Variants in HTR7 observed in about 807,000 individuals in gnomAD.
The protein encoded by HTR7 is 5-hydroxytryptamine receptor 7, also known as 5-HT-7.
A neutral mutation model predicts 34.0 loss-of-function variants in HTR7; 16 were observed. The ratio of observed to expected loss-of-function variants is 0.47; its 90% CI spans 0.32 to 0.71. The LOEUF is 0.71. Among genes scored for constraint, HTR7 ranks in the 30% least tolerant of loss-of-function variants. The pLI is 0.04. For missense variants in HTR7, 504 were observed against 625.5 expected (o/e 0.81, Z 2.07); for synonymous variants, 265 against 260.2 (o/e 1.02, Z -0.18).
intron 1 of HTR7, among the ~76,000 whole-genome samples, chr10:90,812,199 C>G: frequency 6.6e-6 from 1 of 150,434 alleles, no homozygotes; most frequent in South Asian, 2.1e-4. Flanking sequence ...CAGTCTCATT[C>G]CAGACACCAG....
intron 1 of HTR7, among the ~76,000 whole-genome samples, chr10:90,770,967 C>T (rs1845100234): frequency 6.6e-6 from 1 of 152,220 alleles, no homozygotes; most frequent in African/African-American, 2.4e-5. Context: ...AATGGGCACA[C>T]ACTTCCTCCC....
At chr10:90,755,076 T>C (rs955376498) in intron 1 of HTR7, among the ~76,000 whole-genome samples, 1 of 152,234 alleles carries the variant, frequency 6.6e-6, no homozygotes, top group Non-Finnish European at 1.5e-5. Flanking sequence ...TAGGATTGAC[T>C]GTTCTGGGTC....
chr10:90,776,354 C>A (rs1391806994), intron 1 of HTR7, among the ~76,000 whole-genome samples: 1 of 152,210 alleles, frequency 6.6e-6, no homozygotes, highest in Non-Finnish European at 1.5e-5. Context: ...TCTAACTTTT[C>A]ATTTTCAAAT....
intron 2 of HTR7, among the ~76,000 whole-genome samples, chr10:90,745,757 G>A (rs1287805337): frequency 1.3e-5 from 2 of 152,160 alleles, no homozygotes; most frequent in East Asian, 3.9e-4. Context: ...GCCCCTTTTT[G>A]TAAATAAAGT....
intron 1 of HTR7, among the ~76,000 whole-genome samples, chr10:90,856,136 G>C (rs1282609869): frequency 6.6e-6 from 1 of 152,180 alleles, no homozygotes; most frequent in Non-Finnish European, 1.5e-5. Context: ...GATCCACTAA[G>C]AAAATAAGCA....
rs182232618 is a variant in HTR7 at position 90,838,179 on chromosome 10, T to A, written c.539+18954A>T. On this transcript the variant is annotated intron_variant, in intron 1 of 3. Transcript: ENST00000336152. ...AGACTCATATTCAAATGTCTATTGA[T>A]ATAAAATTTATCAATCAAAATAGAA... Among the ~76,000 whole-genome samples the A allele has an allele frequency of 3.3e-5, 5 of 152,312 alleles. No homozygotes were observed. In the East Asian group the frequency reaches 9.6e-4, roughly 29 times the overall value.
In HTR7 at chr10:90,769,520, G is replaced by A. The variant is rs191454872; in HGVS notation, c.540-19926C>T. Among the ~76,000 whole-genome samples, 430 of 152,140 alleles carry A rather than the reference G, an allele frequency of 2.8e-3. 2 individuals carry two copies. The highest frequency in any genetic ancestry group is 0.014 in the Middle Eastern group (4 of 294). On this transcript the variant is annotated intron_variant, in intron 1 of 3. Transcript: ENST00000336152. ...TCTGAATTAAATTGCTTATCTGATC[G>A]AGGCCTATCACAAATGTTCATATAT... is the stretch of plus-strand genomic sequence containing the variant.
chr10:90,746,105 G>A (rs1240100362), intron 2 of HTR7, among the ~76,000 whole-genome samples: 5 of 152,082 alleles, frequency 3.3e-5, no homozygotes, highest in Admixed American at 6.5e-5. Flanking sequence ...TGACTGTGGG[G>A]GAAATCATTT....
At chr10:90,748,771 G>C (rs1302959895) in intron 2 of HTR7, 68 bp downstream of exon 2, 27 of 1,487,998 alleles carry the variant, frequency 1.8e-5, no homozygotes, top group Non-Finnish European at 2.3e-5. Context: ...AGCTTTCTGT[G>C]ATGTGCCTCA....
At chr10:90,847,230 A>ATT (rs1846425056) in intron 1 of HTR7, among the ~76,000 whole-genome samples, 1 of 152,092 alleles carries the variant, frequency 6.6e-6, no homozygotes, top group African/African-American at 2.4e-5. Context: ...AATGTTGTAG[A>ATT]GGGGATCAGT....
intron 1 of HTR7, among the ~76,000 whole-genome samples, chr10:90,808,145 C>T (rs868758848): frequency 3.3e-5 from 5 of 152,196 alleles, no homozygotes; most frequent in Admixed American, 6.5e-5. Context: ...TGTCAGATCA[C>T]GCAGGGACGC....
chr10:90,748,501 C>A (rs1279582939), intron 2 of HTR7, among the ~76,000 whole-genome samples: 5 of 152,138 alleles, frequency 3.3e-5, no homozygotes, highest in Non-Finnish European at 7.4e-5. Context: ...ATAATAACAA[C>A]TAAAATAATA....
At chr10:90,803,001 T>G (rs1845653144) in intron 1 of HTR7, among the ~76,000 whole-genome samples, 1 of 148,038 alleles carries the variant, frequency 6.8e-6, no homozygotes, top group South Asian at 2.2e-4. Context: ...GTGGCCTTTT[T>G]TTTTTTTTTT....
At chr10:90,743,842 T>A (rs1053670027) in intron 2 of HTR7, 152 bp from the exon 3 acceptor site, 8 of 743,314 alleles carry the variant, frequency 1.1e-5, no homozygotes, top group Non-Finnish European at 1.9e-5. Context: ...AGCAGTAAAT[T>A]AAAATTACCA....
chr10:90,767,715 T>C (rs1845045728), intron 1 of HTR7, among the ~76,000 whole-genome samples: 1 of 152,118 alleles, frequency 6.6e-6, no homozygotes, highest in African/African-American at 2.4e-5. Flanking sequence ...ATTTAGCTGG[T>C]ATTTGGTTGG....
At chr10:90,765,613 G>C (rs1365625969) in intron 1 of HTR7, among the ~76,000 whole-genome samples, 1 of 151,058 alleles carries the variant, frequency 6.6e-6, no homozygotes, top group East Asian at 1.9e-4. Context: ...ATATAAAGTT[G>C]CATTGTTTAT....
At chr10:90,848,225 G>A (rs1437450826) in intron 1 of HTR7, among the ~76,000 whole-genome samples, 1 of 152,058 alleles carries the variant, frequency 6.6e-6, no homozygotes, top group Non-Finnish European at 1.5e-5. Flanking sequence ...AGCATACCCA[G>A]CTAATTTTGT....
intron 1 of HTR7, among the ~76,000 whole-genome samples, chr10:90,751,747 G>C (rs11186298): frequency 0.081 from 12,389 of 152,162 alleles, 536 homozygotes; most frequent in East Asian, 0.16. Context: ...AGCATGCCTG[G>C]AATTCACAAC....
chr10:90,763,281 C>T (rs949030210), intron 1 of HTR7, among the ~76,000 whole-genome samples: 1 of 152,108 alleles, frequency 6.6e-6, no homozygotes, highest in Non-Finnish European at 1.5e-5. Flanking sequence ...GGTATCTAGA[C>T]ATTTATTTGT....
Sources: allele counts gnomAD v4.1 joint callset (sites outside exome capture counted in the v4.1 genomes callset), GRCh38; gene constraint gnomAD v4.1.1; transcripts MANE v1.5; gene names NCBI Gene and HGNC (gene_info 2026-07-23, HGNC 2026-07-21).